LINGO2: variants seen among roughly 807,000 people sequenced by gnomAD.
LINGO2 encodes the protein leucine-rich repeat and immunoglobulin-like domain-containing nogo receptor-interacting protein 2.
A neutral mutation model predicts 30.6 loss-of-function variants in LINGO2; 14 were observed. The observed-to-expected ratio is 0.46, with a 90% CI of 0.30 to 0.72. LINGO2 has a LOEUF of 0.72. LINGO2 is among the 30% of genes least tolerant of loss of function. The pLI is 0.07. For missense variants in LINGO2, 729 were observed against 751.7 expected (o/e 0.97, Z 0.35); for synonymous variants, 317 against 288.5 (o/e 1.10, Z -1.00).
intron 1 of LINGO2, among the ~76,000 whole-genome samples, chr9:28,665,979 G>A (rs1380268872): frequency 4.0e-5 from 6 of 148,308 alleles, no homozygotes; most frequent in Non-Finnish European, 5.9e-5. Flanking sequence ...TGCAACCTCC[G>A]CCTCTGGGTT....
At chr9:28,835,411 AG>A in the LINGO2 span, among the ~76,000 whole-genome samples, 1 of 152,236 alleles carries the variant, frequency 6.6e-6, no homozygotes, top group Non-Finnish European at 1.5e-5. Context: ...TGTCAAATAT[AG>A]AAATATTAAT....
chr9:29,177,566 G>A, the LINGO2 span, among the ~76,000 whole-genome samples: 612 of 152,210 alleles, frequency 4.0e-3, 1 homozygote, highest in South Asian at 7.5e-3. Flanking sequence ...TATGTCCCCA[G>A]AGGTGAAACC....
intron 4 of LINGO2, among the ~76,000 whole-genome samples, chr9:28,284,106 A>T (rs73431311): frequency 0.013 from 1,933 of 152,240 alleles, 60 homozygotes; most frequent in African/African-American, 0.044. Flanking sequence ...GTCTACTGTA[A>T]CAGTGCTACT....
the LINGO2 span, among the ~76,000 whole-genome samples, chr9:29,004,761 G>GAC: frequency 1.0e-3 from 151 of 151,572 alleles, no homozygotes; most frequent in African/African-American, 3.4e-3. Flanking sequence ...CATCTACGCA[G>GAC]ACACACACAC....
chr9:28,958,607 CG>C, the LINGO2 span, among the ~76,000 whole-genome samples: 1 of 152,036 alleles, frequency 6.6e-6, no homozygotes, highest in East Asian at 1.9e-4. Context: ...CCTCCTTTAC[CG>C]TACAATGAGC....
intron 1 of LINGO2, among the ~76,000 whole-genome samples, chr9:28,597,303 T>C (rs73443312): frequency 6.6e-6 from 1 of 152,134 alleles, no homozygotes; most frequent in Non-Finnish European, 1.5e-5. Context: ...CAAAATCAAC[T>C]GCACTTCTTG....
At chr9:29,188,979 G>A in the LINGO2 span, among the ~76,000 whole-genome samples, 1 of 128,640 alleles carries the variant, frequency 7.8e-6, no homozygotes, top group Admixed American at 7.6e-5. Context: ...CCACCTCCCT[G>A]CCGGATGGGG....
chr9:28,662,244 G>A (rs1323838505), intron 1 of LINGO2, among the ~76,000 whole-genome samples: 22 of 152,098 alleles, frequency 1.4e-4, no homozygotes, highest in African/African-American at 2.4e-5. Context: ...AATGCAAATC[G>A]GTTTACCAGA....
At chr9:29,033,722 T>G in the LINGO2 span, among the ~76,000 whole-genome samples, 1 of 152,030 alleles carries the variant, frequency 6.6e-6, no homozygotes, top group African/African-American at 2.4e-5. Flanking sequence ...AATAAGTGTT[T>G]CTGAAGAGTG....
chr9:29,118,902 G>C, the LINGO2 span, among the ~76,000 whole-genome samples: 1 of 152,066 alleles, frequency 6.6e-6, no homozygotes, highest in South Asian at 2.1e-4. Flanking sequence ...CCAGTAACAG[G>C]TCCGCTGACC....
chr9:28,591,459 G>T (rs1403092427), intron 1 of LINGO2, among the ~76,000 whole-genome samples: 3 of 151,912 alleles, frequency 2.0e-5, no homozygotes, highest in South Asian at 2.1e-4. Context: ...GATGAGACTA[G>T]ACCCCAAGAG....
chr9:28,837,858 T>C, the LINGO2 span, among the ~76,000 whole-genome samples: 1 of 150,914 alleles, frequency 6.6e-6, no homozygotes. Context: ...CATGAGCTTT[T>C]ATAAGCCCAG....
At chr9:28,320,707 T>C (rs1241029045) in intron 3 of LINGO2, among the ~76,000 whole-genome samples, 1 of 152,172 alleles carries the variant, frequency 6.6e-6, no homozygotes, top group Non-Finnish European at 1.5e-5. Flanking sequence ...AATGGCAGCT[T>C]CATTACCTTC....
chr9:28,471,507 G>A (rs1300366031), intron 2 of LINGO2, among the ~76,000 whole-genome samples: 1 of 152,108 alleles, frequency 6.6e-6, no homozygotes, highest in Non-Finnish European at 1.5e-5. Context: ...TCCCAACACT[G>A]CTACACAGGG....
chr9:28,816,340 C>G, the LINGO2 span, among the ~76,000 whole-genome samples: 1 of 152,122 alleles, frequency 6.6e-6, no homozygotes, highest in Non-Finnish European at 1.5e-5. Flanking sequence ...CCTGAATCAG[C>G]GAGAAAAATG....
the LINGO2 span, among the ~76,000 whole-genome samples, chr9:28,986,713 C>G: frequency 6.6e-6 from 1 of 151,902 alleles, no homozygotes; most frequent in Non-Finnish European, 1.5e-5. Context: ...ACCTAAACTG[C>G]CAAACATCAT....
At chr9:28,758,721 C>G in the LINGO2 span, among the ~76,000 whole-genome samples, 46 of 152,216 alleles carry the variant, frequency 3.0e-4, 1 homozygote, top group African/African-American at 1.1e-3. Flanking sequence ...CAAATATTGT[C>G]TAAGGCTTCT....
the LINGO2 span, among the ~76,000 whole-genome samples, chr9:29,200,223 T>G: frequency 6.6e-6 from 1 of 152,142 alleles, no homozygotes; most frequent in East Asian, 1.9e-4. Flanking sequence ...GCAGAAAATC[T>G]GATTAGACTC....
intron 4 of LINGO2, among the ~76,000 whole-genome samples, chr9:28,177,379 G>A (rs1380919302): frequency 6.6e-6 from 1 of 152,114 alleles, no homozygotes; most frequent in Non-Finnish European, 1.5e-5. Context: ...AAAACTCCTA[G>A]GGAAATCCGA....
Sources: allele counts gnomAD v4.1 joint callset (sites outside exome capture counted in the v4.1 genomes callset), GRCh38; gene constraint gnomAD v4.1.1; transcripts MANE v1.5; gene names NCBI Gene and HGNC (gene_info 2026-07-23, HGNC 2026-07-21).